The following HTR1F variants were observed in gnomAD, a reference collection of about 807,000 sequenced individuals.
The protein encoded by HTR1F is 5-hydroxytryptamine receptor 1F.
A neutral mutation model predicts 24.0 loss-of-function variants in HTR1F; 17 were observed. That is an observed-to-expected ratio of 0.71 (90% CI 0.48 to 1.06). The LOEUF is 1.06. Among genes scored for constraint, HTR1F ranks in the 50% least tolerant of loss-of-function variants. HTR1F has a pLI of 0.00. For missense variants in HTR1F, 391 were observed against 427.8 expected (o/e 0.91, Z 0.76); for synonymous variants, 186 against 156.8 (o/e 1.19, Z -1.39).
chr3:87,987,360 A>G (rs1705684678), intron 2 of HTR1F, among the ~76,000 whole-genome samples: 1 of 151,698 alleles, frequency 6.6e-6, no homozygotes, highest in African/African-American at 2.4e-5. Context: ...AAATGTTTCA[A>G]GGGAAAATAG....
At chr3:87,927,313 G>T (rs188087649) in intron 2 of HTR1F, among the ~76,000 whole-genome samples, 23 of 152,174 alleles carry the variant, frequency 1.5e-4, no homozygotes, top group Non-Finnish European at 2.9e-5. Flanking sequence ...TTGATCACAC[G>T]TTGTTTCATG....
chr3:87,826,798 T>C (rs1575914341), intron 2 of HTR1F, among the ~76,000 whole-genome samples: 1 of 152,160 alleles, frequency 6.6e-6, no homozygotes, highest in East Asian at 1.9e-4. Flanking sequence ...TAATGGAAGG[T>C]GTTGCTATCA....
intron 2 of HTR1F, among the ~76,000 whole-genome samples, chr3:87,905,439 C>A (rs561257436): frequency 6.6e-6 from 1 of 151,552 alleles, no homozygotes; most frequent in East Asian, 1.9e-4. Flanking sequence ...TTTTTGCTGC[C>A]CCTTAATTTT....
chr3:87,909,929 T>A (rs1703741709), intron 2 of HTR1F, among the ~76,000 whole-genome samples: 1 of 151,998 alleles, frequency 6.6e-6, no homozygotes, highest in Non-Finnish European at 1.5e-5. Flanking sequence ...CTTTTATTCT[T>A]CTTATTTGAT....
intron 2 of HTR1F, among the ~76,000 whole-genome samples, chr3:87,961,507 A>G (rs73141285): frequency 6.6e-6 from 1 of 152,148 alleles, no homozygotes; most frequent in Non-Finnish European, 1.5e-5. Flanking sequence ...CACATTTATA[A>G]TCCCAGCATG....
chr3:87,923,583 T>C (rs978719165), intron 2 of HTR1F, among the ~76,000 whole-genome samples: 3 of 152,032 alleles, frequency 2.0e-5, no homozygotes, highest in Admixed American at 6.6e-5. Flanking sequence ...GTTGATCTTG[T>C]ACCCTGCAAT....
chr3:87,865,594 T>C (rs1434277266), intron 2 of HTR1F, among the ~76,000 whole-genome samples: 1 of 152,212 alleles, frequency 6.6e-6, no homozygotes, highest in African/African-American at 2.4e-5. Context: ...TGTGTCTAGT[T>C]TCTTTCTCCC....
chr3:87,811,009 T>C (rs1479891061), intron 1 of HTR1F, among the ~76,000 whole-genome samples: 1 of 152,236 alleles, frequency 6.6e-6, no homozygotes, highest in Non-Finnish European at 1.5e-5. Context: ...ACTTTGTTTT[T>C]ATATGCCAAT....
chr3:87,945,490 C>T (rs556848557), intron 2 of HTR1F, among the ~76,000 whole-genome samples: 17 of 152,270 alleles, frequency 1.1e-4, no homozygotes, highest in African/African-American at 3.8e-4. Context: ...AAGGTAGGGG[C>T]GCACACATGG....
intron 2 of HTR1F, among the ~76,000 whole-genome samples, chr3:87,855,821 GTATCCACAC>G (rs1705186734): frequency 6.6e-6 from 1 of 151,952 alleles, no homozygotes; most frequent in African/African-American, 2.4e-5. Flanking sequence ...TTTGTCCAGC[GTATCCACAC>G]TGTCCACACT....
chr3:87,986,711 T>C (rs1384680561), intron 2 of HTR1F, among the ~76,000 whole-genome samples: 2 of 152,232 alleles, frequency 1.3e-5, no homozygotes, highest in Non-Finnish European at 2.9e-5. Flanking sequence ...AGATCTCTTA[T>C]GCCAAAATTG....
chr3:87,820,695 G>A (rs1704342452), intron 1 of HTR1F, among the ~76,000 whole-genome samples: 1 of 151,914 alleles, frequency 6.6e-6, no homozygotes, highest in Non-Finnish European at 1.5e-5. Context: ...TCAAATACTT[G>A]AGAGTATATA....
intron 2 of HTR1F, among the ~76,000 whole-genome samples, chr3:87,897,879 A>T (rs751191465): frequency 1.3e-5 from 2 of 152,124 alleles, no homozygotes; most frequent in African/African-American, 4.8e-5. Flanking sequence ...TTTGGGATGC[A>T]TATAATTTTA....
intron 2 of HTR1F, among the ~76,000 whole-genome samples, chr3:87,986,894 CAGG>C (rs1012433396): frequency 1.3e-5 from 2 of 152,104 alleles, no homozygotes; most frequent in African/African-American, 4.8e-5. Flanking sequence ...CACCAGAGGC[CAGG>C]AGTTCTGAAC....
Position 87,840,635 on chromosome 3 carries a change from A to G in HTR1F, c.-43+18511A>G, listed in dbSNP as rs543516178. 7.2e-4 allele frequency among the ~76,000 whole-genome samples: 108 copies of G among 150,156 alleles called. 1 individual carries two copies. Among genetic ancestry groups the G allele is most frequent in the Non-Finnish European group, 1.4e-3 (94 of 68,028 alleles). On this transcript the variant is annotated intron_variant, in intron 2 of 2. Transcript: ENST00000319595. Reference sequence around the variant, plus strand: ...TACTTGAAATTAATATGCTGAAAAGATATCCACACCCCCATATTTACTGCA... The same window carrying G: ...TACTTGAAATTAATATGCTGAAAAGGTATCCACACCCCCATATTTACTGCA...
intron 2 of HTR1F, among the ~76,000 whole-genome samples, chr3:87,921,448 C>G (rs1433928031): frequency 6.6e-6 from 1 of 151,728 alleles, no homozygotes; most frequent in Admixed American, 6.6e-5. Flanking sequence ...TTTTTTTATA[C>G]ACGATATAAT....
intron 2 of HTR1F, among the ~76,000 whole-genome samples, chr3:87,951,586 C>A (rs1416368307): frequency 6.6e-6 from 1 of 152,042 alleles, no homozygotes; most frequent in African/African-American, 2.4e-5. Context: ...ACATGTATAG[C>A]CTCTTCCATT....
intron 1 of HTR1F, among the ~76,000 whole-genome samples, chr3:87,802,979 A>G (rs1190111308): frequency 6.6e-6 from 1 of 152,158 alleles, no homozygotes; most frequent in Middle Eastern, 3.2e-3. Flanking sequence ...CAAGCCAAGG[A>G]GGACCCTTCA....
chr3:87,813,922 C>CTT (rs200425930), intron 1 of HTR1F, among the ~76,000 whole-genome samples: 4 of 149,882 alleles, frequency 2.7e-5, no homozygotes, highest in Non-Finnish European at 3.0e-5. Context: ...AATTAAACCT[C>CTT]TTTTTTTTTT....
Sources: allele counts gnomAD v4.1 joint callset (sites outside exome capture counted in the v4.1 genomes callset), GRCh38; gene constraint gnomAD v4.1.1; transcripts MANE v1.5; gene names NCBI Gene and HGNC (gene_info 2026-07-23, HGNC 2026-07-21).